MSI2: variants seen among roughly 807,000 people sequenced by gnomAD.
The protein encoded by MSI2 is musashi RNA binding protein 2.
In MSI2, 17 loss-of-function variants were observed where a neutral mutation model predicts 45.6. The observed-to-expected ratio is 0.37, with a 90% CI of 0.26 to 0.56. MSI2 has a LOEUF of 0.56. Ranked by LOEUF, MSI2 falls within the 20% of genes least tolerant of loss-of-function variation. The pLI is 0.77. For synonymous variants in MSI2, 156 were observed against 158.2 expected (o/e 0.99, Z 0.11); for missense variants, 293 against 444.2 (o/e 0.66, Z 3.06).
chr17:57,513,848 C>T (rs572898091), intron 6 of MSI2, among the ~76,000 whole-genome samples: 2 of 152,108 alleles, frequency 1.3e-5, no homozygotes, highest in Non-Finnish European at 2.9e-5. Flanking sequence ...ATCCCTAGTT[C>T]TGGAGCTAAA....
chr17:57,457,307 C>T (rs1384125845), intron 6 of MSI2, among the ~76,000 whole-genome samples: 1 of 152,034 alleles, frequency 6.6e-6, no homozygotes, highest in Non-Finnish European at 1.5e-5. Context: ...GCCGTGTTTC[C>T]CCAGGGCATT....
Position 57,531,291 on chromosome 17 carries a change from G to A in MSI2, c.454+1567G>A, listed in dbSNP as rs936482962. On this transcript the variant is annotated intron_variant, in intron 7 of 13. Coordinates refer to ENST00000284073, the MANE Select transcript of MSI2 (RefSeq NM_138962.4). ...CAGTTTATTCATCTGTAGGATGGGGGTAATCATAGAACCTCCTCACAGGAT... is the reference window on the plus strand; with the variant it reads ...CAGTTTATTCATCTGTAGGATGGGGATAATCATAGAACCTCCTCACAGGAT... 2.6e-5 allele frequency among the ~76,000 whole-genome samples: 4 copies of A among 152,188 alleles called. No homozygotes were observed. In the South Asian group the frequency reaches 6.2e-4, roughly 24 times the overall value.
chr17:57,492,528 C>T (rs566593611), intron 6 of MSI2, among the ~76,000 whole-genome samples: 2 of 152,294 alleles, frequency 1.3e-5, no homozygotes, highest in South Asian at 4.2e-4. Flanking sequence ...CCGCTGAGTA[C>T]ATGGGGCCTC....
At chr17:57,521,513 C>G (rs2086584185) in intron 6 of MSI2, among the ~76,000 whole-genome samples, 1 of 152,172 alleles carries the variant, frequency 6.6e-6, no homozygotes, top group African/African-American at 2.4e-5. Flanking sequence ...CTTTCTTGTA[C>G]TAAGACTGAG....
intron 7 of MSI2, among the ~76,000 whole-genome samples, chr17:57,538,585 A>G (rs548627713): frequency 2.6e-5 from 4 of 152,252 alleles, no homozygotes; most frequent in African/African-American, 9.6e-5. Flanking sequence ...GCAAGTGGAG[A>G]GTGCGGGGCA....
intron 5 of MSI2, among the ~76,000 whole-genome samples, chr17:57,398,158 G>A (rs914390017): frequency 6.6e-6 from 1 of 152,194 alleles, no homozygotes; most frequent in African/African-American, 2.4e-5. Context: ...ATTGGGGAAT[G>A]AACAATCTGT....
At chr17:57,639,327 G>A (rs1313595132) in intron 10 of MSI2, among the ~76,000 whole-genome samples, 1 of 152,228 alleles carries the variant, frequency 6.6e-6, no homozygotes, top group Non-Finnish European at 1.5e-5. Flanking sequence ...AACACATGAT[G>A]TGTCTTCCCT....
In MSI2 at chr17:57,552,119, G is replaced by A. The variant is rs1323558983; in HGVS notation, c.454+22395G>A. ...TGACCTTCAGCAGGTCTCTCCTGCT[G>A]CTGCCCCAGGACTGGCCACACACCA... On this transcript the variant is annotated intron_variant, in intron 7 of 13. Transcript: ENST00000284073. The surrounding 1 kb of genome is among the most constrained non-coding windows in gnomAD (Gnocchi z 4.3). Among the ~76,000 whole-genome samples, 1 of 152,170 alleles carries A rather than the reference G, an allele frequency of 6.6e-6. No homozygotes were observed. Among genetic ancestry groups the A allele is most frequent in the Non-Finnish European group, 1.5e-5 (1 of 68,028 alleles).
chr17:57,364,069 T>C (rs953132484), intron 5 of MSI2, among the ~76,000 whole-genome samples: 3 of 152,230 alleles, frequency 2.0e-5, no homozygotes, highest in African/African-American at 7.2e-5. Context: ...CTGAAACCTA[T>C]GTTCTTGGTT....
chr17:57,372,759 A>T (rs1053805912), intron 5 of MSI2, among the ~76,000 whole-genome samples: 6 of 152,132 alleles, frequency 3.9e-5, no homozygotes, highest in Non-Finnish European at 8.8e-5. Flanking sequence ...TTTAAAGGAG[A>T]TGTCCAGCTC....
chr17:57,282,906 C>T (rs774277870), intron 5 of MSI2, among the ~76,000 whole-genome samples: 1 of 136,880 alleles, frequency 7.3e-6, no homozygotes, highest in Admixed American at 8.0e-5. Flanking sequence ...GGCCAGCTTA[C>T]GACTTTAATA....
chr17:57,616,205 G>A, intron 9 of MSI2, 121 bp downstream of exon 9: 1 of 682,960 alleles, frequency 1.5e-6, no homozygotes, highest in East Asian at 2.6e-5. Context: ...CAGTTTCCTT[G>A]TCTGTAGATG....
At chr17:57,547,742 A>G (rs2087202017) in intron 7 of MSI2, among the ~76,000 whole-genome samples, 1 of 24,958 alleles carries the variant, frequency 4.0e-5, no homozygotes, top group Admixed American at 4.7e-4. Flanking sequence ...GACAAAAAGT[A>G]CACACACACA....
At chr17:57,299,932 G>A (rs572390514) in intron 5 of MSI2, among the ~76,000 whole-genome samples, 45 of 152,350 alleles carry the variant, frequency 3.0e-4, no homozygotes, top group Admixed American at 4.6e-4. Context: ...AGGGAGGGCA[G>A]ATTATTTCCT....
chr17:57,278,980 T>C (rs12944955), intron 5 of MSI2: 10,705 of 150,232 alleles, frequency 0.071, 521 homozygotes, highest in African/African-American at 0.13. Flanking sequence ...GTGTGGAGAG[T>C]CGGTGTCTGT....
In MSI2 at chr17:57,627,278, T is replaced by C. The variant is rs1567945752; in HGVS notation, c.702T>C (p.Ala234=). 1 of 1,614,200 alleles carries C rather than the reference T, an allele frequency of 6.2e-7. No individual in the cohort carries two copies. Among genetic ancestry groups the C allele is most frequent in the Non-Finnish European group, 8.5e-7 (1 of 1,180,034 alleles). ...ATGGCCGTGGCTACCCCGGATTTGC[T>C]CCAAGCTATGGCTATCAGTTCCCAG... The part of the protein sequence containing the change: ...ATYGRGYPGF[A]PSYGYQFPGF... The change falls in exon 10 of 14, where the codon GCT becomes GCC. Residue 234 remains alanine (A), a synonymous_variant. Transcript: ENST00000284073. The surrounding 1 kb of genome is among the most constrained non-coding windows in gnomAD (Gnocchi z 4.6).
At chr17:57,472,897 CT>C (rs751901407) in intron 6 of MSI2, among the ~76,000 whole-genome samples, 384 of 144,922 alleles carry the variant, frequency 2.6e-3, no homozygotes, top group Non-Finnish European at 2.5e-3. Context: ...TCTTTTCTTT[CT>C]TTTTTTTTTT....
intron 6 of MSI2, among the ~76,000 whole-genome samples, chr17:57,462,210 T>C (rs2085244312): frequency 6.6e-6 from 1 of 152,216 alleles, no homozygotes; most frequent in African/African-American, 2.4e-5. Context: ...TGGGCCTAAA[T>C]GTCCCCTGTT....
chr17:57,575,544 G>A (rs1416677790), intron 7 of MSI2, among the ~76,000 whole-genome samples: 3 of 152,100 alleles, frequency 2.0e-5, no homozygotes, highest in African/African-American at 7.2e-5. Flanking sequence ...TGAGGACCCC[G>A]GGATTGACTT....
Sources: gnomAD v4.1 joint callset for allele counts (sites outside exome capture counted in the v4.1 genomes callset) on GRCh38, gnomAD v4.1.1 for gene constraint, Gnocchi (gnomAD v3.1) non-coding constraint, MANE v1.5 for transcripts, NCBI Gene and HGNC (gene_info 2026-07-23, HGNC 2026-07-21) for gene names.